The following VPS13B variants were observed in gnomAD, a reference collection of about 807,000 sequenced individuals.
The protein encoded by VPS13B is vacuolar protein sorting 13 homolog B, also known as intermembrane lipid transfer protein VPS13B.
A neutral mutation model predicts 426.4 loss-of-function variants in VPS13B; 285 were observed. The observed-to-expected ratio is 0.67, with a 90% CI of 0.61 to 0.74. VPS13B has a LOEUF of 0.74. Among genes scored for constraint, VPS13B ranks in the 30% least tolerant of loss-of-function variants. VPS13B has a pLI of 0.00. For missense variants in VPS13B, 4,537 were observed against 4,782.6 expected (o/e 0.95, Z 1.51); for synonymous variants, 1,676 against 1,676.4 (o/e 1.00, Z 0.01).
chr8:99,293,615 A>C (rs974189423), intron 19 of VPS13B, among the ~76,000 whole-genome samples: 1 of 139,500 alleles, frequency 7.2e-6, no homozygotes, highest in African/African-American at 2.7e-5. Context: ...AACCTACAAC[A>C]TGGGAGAAAA....
At chr8:99,423,219 A>G (rs1816476623) in intron 21 of VPS13B, among the ~76,000 whole-genome samples, 1 of 151,898 alleles carries the variant, frequency 6.6e-6, no homozygotes, top group South Asian at 2.1e-4. Context: ...TTTCCATAGC[A>G]TATTCTTAGA....
At position 99,516,794 on chromosome 8, in the gene VPS13B, A is replaced by AG. The variant is rs1822101134; in HGVS notation, c.4634-4105_4634-4104insG. On this transcript the variant is annotated intron_variant, in intron 29 of 61. Coordinates refer to ENST00000357162, the MANE Select transcript of VPS13B (RefSeq NM_152564.5). ...CAGGAGGAGACCGTGTCTCAAAAAA[A>AG]AAAAAAAAAAAAAAAAAAAAAAAAG... Among the ~76,000 whole-genome samples, 4 of 142,302 alleles carry AG rather than the reference A, an allele frequency of 2.8e-5. No individual in the cohort carries two copies. In the Admixed American group the frequency reaches 2.8e-4, roughly 10 times the overall value. The allele number at this position is 142,302 out of a possible 152,430, so 93.4% of individuals were successfully genotyped here.
chr8:99,753,964 T>C (rs148389280), intron 39 of VPS13B, among the ~76,000 whole-genome samples: 1 of 152,218 alleles, frequency 6.6e-6, no homozygotes, highest in East Asian at 1.9e-4. Flanking sequence ...ATATTTCCTG[T>C]ACAAAAATAG....
chr8:99,624,097 G>A (rs1828494350), intron 33 of VPS13B, among the ~76,000 whole-genome samples: 1 of 140,760 alleles, frequency 7.1e-6, no homozygotes, highest in African/African-American at 2.7e-5. Context: ...AATTCATTAT[G>A]TGGGTAGATG....
chr8:99,074,504 T>A (rs1396114277), intron 3 of VPS13B, among the ~76,000 whole-genome samples: 2 of 148,828 alleles, frequency 1.3e-5, no homozygotes, highest in East Asian at 2.0e-4. Context: ...TGAGACTCCG[T>A]CTCAAAAAAA....
intron 52 of VPS13B, among the ~76,000 whole-genome samples, 186 bp from the exon 53 acceptor site, chr8:99,835,011 A>G (rs1214674545): frequency 6.6e-6 from 1 of 152,218 alleles, no homozygotes; most frequent in Non-Finnish European, 1.5e-5. Flanking sequence ...TTGCCTTTAA[A>G]TATTTTTTCA....
At chr8:99,696,772 G>A (rs1832024335) in intron 35 of VPS13B, 1 of 1,401,964 alleles carries the variant, frequency 7.1e-7, no homozygotes, top group East Asian at 2.3e-5. Context: ...AGGAAATCAT[G>A]CGTTTTTCCA....
intron 39 of VPS13B, among the ~76,000 whole-genome samples, chr8:99,751,130 A>G (rs1265457519): frequency 6.6e-6 from 1 of 152,212 alleles, no homozygotes; most frequent in Non-Finnish European, 1.5e-5. Flanking sequence ...ACTACACTGT[A>G]TAGTCTGCCC....
chr8:99,644,033 T>G (rs889107987), intron 34 of VPS13B, among the ~76,000 whole-genome samples: 4 of 152,136 alleles, frequency 2.6e-5, no homozygotes, highest in African/African-American at 9.7e-5. Context: ...TTCACTCAGC[T>G]ACAGTCGCTC....
intron 17 of VPS13B, among the ~76,000 whole-genome samples, chr8:99,241,785 A>G (rs2132888431): frequency 6.6e-6 from 1 of 152,342 alleles, no homozygotes; most frequent in East Asian, 1.9e-4. Flanking sequence ...ATCCCAAACA[A>G]GAATAATGAT....
chr8:99,089,245 A>C (rs1290697725), intron 3 of VPS13B, among the ~76,000 whole-genome samples: 1 of 152,198 alleles, frequency 6.6e-6, no homozygotes, highest in Non-Finnish European at 1.5e-5. Flanking sequence ...TGTCTTTAGC[A>C]GTATGTGACA....
chr8:99,425,583 T>C (rs1816650463), intron 21 of VPS13B, among the ~76,000 whole-genome samples: 1 of 152,204 alleles, frequency 6.6e-6, no homozygotes. Context: ...ATAAGAGCTA[T>C]TTATGACAAA....
intron 39 of VPS13B, among the ~76,000 whole-genome samples, chr8:99,727,480 C>T (rs764276748): frequency 6.6e-6 from 1 of 152,230 alleles, no homozygotes; most frequent in Admixed American, 6.5e-5. Context: ...TACAGTTCCA[C>T]ATGGCTGGGG....
chr8:99,082,821 ATC>A (rs1313055976), intron 3 of VPS13B, among the ~76,000 whole-genome samples: 1 of 152,092 alleles, frequency 6.6e-6, no homozygotes, highest in East Asian at 1.9e-4. Flanking sequence ...ATTGATCTAC[ATC>A]TCTGTTTTGG....
chr8:99,398,954 G>A (rs117879149), intron 21 of VPS13B, among the ~76,000 whole-genome samples: 1,529 of 151,966 alleles, frequency 0.01, 9 homozygotes, highest in Non-Finnish European at 0.016. Flanking sequence ...GAGAAGAGGG[G>A]TTCATTCAGA....
At chr8:99,014,843 T>G (rs1311412591) in intron 2 of VPS13B, among the ~76,000 whole-genome samples, 2 of 152,142 alleles carry the variant, frequency 1.3e-5, no homozygotes, top group African/African-American at 4.8e-5. Flanking sequence ...ACATGAGATT[T>G]GTCTGATGCA....
chr8:99,730,085 G>C (rs1473856359), intron 39 of VPS13B, among the ~76,000 whole-genome samples: 1 of 152,196 alleles, frequency 6.6e-6, no homozygotes, highest in African/African-American at 2.4e-5. Context: ...TTTCAGCTGG[G>C]TTGGGCAGTT....
intron 33 of VPS13B, among the ~76,000 whole-genome samples, chr8:99,631,437 T>C (rs1828842590): frequency 6.6e-6 from 1 of 152,152 alleles, no homozygotes; most frequent in African/African-American, 2.4e-5. Context: ...TAGAGATTCC[T>C]TTAAAATTGG....
chr8:99,220,946 AC>A (rs1815681334), intron 17 of VPS13B, among the ~76,000 whole-genome samples: 1 of 74,738 alleles, frequency 1.3e-5, no homozygotes, highest in Non-Finnish European at 2.6e-5. Flanking sequence ...CCCTCCCCCG[AC>A]CCCACCACAG....
Sources: allele counts gnomAD v4.1 joint callset (sites outside exome capture counted in the v4.1 genomes callset), GRCh38; gene constraint gnomAD v4.1.1; transcripts MANE v1.5; gene names NCBI Gene and HGNC (gene_info 2026-07-23, HGNC 2026-07-21).